The following MGAM variants were observed in gnomAD, a reference collection of about 807,000 sequenced individuals.
MGAM encodes the protein alpha-1,4-glucosidase.
A neutral mutation model predicts 358.8 loss-of-function variants in MGAM; 253 were observed. The ratio of observed to expected loss-of-function variants is 0.71; its 90% CI spans 0.64 to 0.78. The LOEUF (loss-of-function observed/expected upper bound fraction) is 0.78, where lower values mean the gene tolerates loss of function less well. Ranked by LOEUF, MGAM falls within the 30% of genes least tolerant of loss-of-function variation. The probability of loss-of-function intolerance (pLI) is 0.00; values close to 1 mark genes in which losing one functional copy is unlikely to be tolerated. For synonymous variants in MGAM, 1,105 were observed against 1,227.1 expected, an observed-to-expected ratio of 0.90 and a Z score of 2.08; for missense variants, 3,080 against 3,432.6, an observed-to-expected ratio of 0.90 and a Z score of 2.57.
At chr7:142,044,596 ACACG>A (rs1809760759) in intron 21 of MGAM, among the ~76,000 whole-genome samples, 1 of 129,904 alleles carries the variant, frequency 7.7e-6, no homozygotes, top group African/African-American at 2.8e-5. Context: ...TATATTATAT[ACACG>A]TGTAATATAT....
At chr7:142,099,317 C>G (rs4344010) in intron 66 of MGAM, among the ~76,000 whole-genome samples, 141,088 of 152,236 alleles carry the variant, frequency 0.93, 66,186 homozygotes, top group Non-Finnish European at 1. Context: ...AGGATGGAAG[C>G]ATGGTCCCTT....
rs1446572457 is a variant in MGAM, at chr7:142,079,072, T to A, written c.5847+64T>A. ...TTTCAGTTCCATTATCTTTTTCTGG[T>A]TCAGGTCACACAACCCTAAAATAAG... On this transcript the variant is annotated intron_variant, in intron 49 of 70. Coordinates refer to ENST00000475668, the MANE Select transcript of MGAM (RefSeq NM_001365693.1). The A allele has an allele frequency of 3.0e-6, 4 of 1,354,672 alleles. 1 individual carries two copies. The highest frequency in any genetic ancestry group is 4.1e-6 in the Non-Finnish European group (4 of 968,416). 83.9% of individuals were successfully genotyped at this position (1,354,672 alleles called of 1,614,324 possible).
chr7:142,095,920 A>C (rs1280517582), intron 64 of MGAM: 2 of 785,756 alleles, frequency 2.5e-6, no homozygotes, highest in Admixed American at 2.9e-5. Context: ...AGCAAAACTG[A>C]AATGATGCAG....
Position 142,100,871 on chromosome 7 carries a change from G to C in MGAM, c.7944G>C (p.Trp2648Cys), listed in dbSNP as rs1816382969. 4.3e-6 allele frequency: 7 copies of C among 1,612,992 alleles called. No individual in the cohort carries two copies. The highest frequency in any genetic ancestry group is 5.1e-6 in the Non-Finnish European group (6 of 1,179,622). Residue 2648 changes from tryptophan (W) to cysteine (C), a missense_variant, in exon 68 of 71, where the codon TGG (tryptophan) becomes TGC (cysteine). By Grantham distance (215) the Trp-to-Cys change is radical. This residue lies in a region of MGAM where 194 missense variants were observed against 172.8 expected (regional missense o/e 1.12). Transcript: ENST00000475668. ...DEGTAGGWLF[W>C]DDGQSIDTYG... The stretch of plus-strand genomic sequence containing the variant: ...GAACTGCTGGGGGCTGGCTCTTCTG[G>C]GATGATGGGCAAAGCATTGGTGAGT...
At chr7:142,085,487 T>C (rs937233493) in intron 54 of MGAM, among the ~76,000 whole-genome samples, 4 of 146,014 alleles carry the variant, frequency 2.7e-5, no homozygotes, top group African/African-American at 9.7e-5. Context: ...GAACCACTGA[T>C]ACCAGGGGCA....
At chr7:142,030,899 C>T in intron 12 of MGAM, 142 bp downstream of exon 12, 1 of 644,920 alleles carries the variant, frequency 1.6e-6, no homozygotes, top group South Asian at 1.9e-5. Context: ...GATAAATTCT[C>T]CTCTGCCCTT....
At chr7:141,995,800 C>T (rs919833856), upstream of MGAM, 1 of 152,124 alleles carries the variant, frequency 6.6e-6, no homozygotes, top group African/African-American at 2.4e-5. Context: ...CATTTGAAAG[C>T]CATTAACATT....
chr7:142,076,597 A>T (rs1813763401), intron 46 of MGAM, 62 bp from the exon 47 acceptor site: 1 of 1,332,604 alleles, frequency 7.5e-7, no homozygotes, highest in African/African-American at 1.4e-5. Context: ...TATATGAGTG[A>T]CTTGAGAATC....
rs538201085 is a variant in MGAM, at chr7:142,040,723, G to T, written c.2375G>T (p.Gly792Val). The change falls in exon 21 of 71, where the codon GGG becomes GTG. Residue 792 changes from glycine to valine, a missense_variant and splice_region_variant. By Grantham distance (109) the Gly-to-Val change is moderately radical. Around this residue, in one of 5 missense-constraint regions of MGAM, gnomAD observed 1,816 missense variants for 1,840.5 expected, o/e 0.99. Coordinates refer to ENST00000475668, the MANE Select transcript of MGAM (RefSeq NM_001365693.1). ...PDAVWYDYET[G>V]SQVRWRKQKV... The stretch of plus-strand genomic sequence containing the variant: ...GTTTGATTTATCTGCATGCATCAGG[G>T]GAGCCAAGTGAGATGGAGGAAGCAA... The T allele has an allele frequency of 6.2e-7, 1 of 1,612,740 alleles. No homozygotes were observed. The highest frequency in any genetic ancestry group is 1.1e-5 in the South Asian group (1 of 90,926).
At chr7:142,034,086 A>G (rs1023554836) in intron 14 of MGAM, among the ~76,000 whole-genome samples, 176 bp from the exon 15 acceptor site, 1 of 152,212 alleles carries the variant, frequency 6.6e-6, no homozygotes, top group African/African-American at 2.4e-5. Context: ...ATTCATTTAT[A>G]TATCAGAGAA....
chr7:142,004,981 T>C (rs1357747882), intron 1 of MGAM, among the ~76,000 whole-genome samples: 10 of 152,036 alleles, frequency 6.6e-5, no homozygotes, highest in African/African-American at 2.2e-4. Flanking sequence ...ACAGGAACTA[T>C]AAGGGTAGAG....
chr7:142,105,696 G>C, intron 70 of MGAM, 118 bp from the exon 71 acceptor site: 6 of 725,460 alleles, frequency 8.3e-6, no homozygotes, highest in Non-Finnish European at 9.6e-6. Context: ...CTTTTAACTA[G>C]ACAATACAAT....
intron 34 of MGAM, among the ~76,000 whole-genome samples, chr7:142,061,595 C>T (rs1023264794): frequency 2.0e-5 from 3 of 152,124 alleles, no homozygotes; most frequent in Admixed American, 6.6e-5. Flanking sequence ...AACTGGAGCT[C>T]CCCTAGACCA....
At chr7:142,067,731 G>A (rs1317882068) in intron 42 of MGAM, among the ~76,000 whole-genome samples, 1 of 138,360 alleles carries the variant, frequency 7.2e-6, no homozygotes, top group African/African-American at 2.5e-5. Context: ...TCAGATGGGG[G>A]CAGTATTGTA....
chr7:142,030,834 G>A, intron 12 of MGAM, 77 bp downstream of exon 12: 1 of 855,488 alleles, frequency 1.2e-6, no homozygotes. Flanking sequence ...GTGTGTGTGT[G>A]TGTGTGCATG....
At chr7:142,035,802 G>C (rs569581044) in intron 16 of MGAM, among the ~76,000 whole-genome samples, 2 of 152,214 alleles carry the variant, frequency 1.3e-5, no homozygotes, top group East Asian at 1.9e-4. Context: ...TTAGGCTTTA[G>C]AAAAATAATG....
In MGAM at chr7:142,030,373, T is replaced by C. The variant is rs1807365316; in HGVS notation, c.1233T>C (p.His411=). Residue 411 remains histidine, a synonymous_variant, in exon 11 of 71, where the codon CAT becomes CAC. Transcript: ENST00000475668. Reference sequence around the variant, plus strand: ...GTATATTCTTTCAGGATGTTCAGCATGCTGATATTGATTATATGGATGAGA... The same window carrying C: ...GTATATTCTTTCAGGATGTTCAGCACGCTGATATTGATTATATGGATGAGA... ...RAAQLPYDVQ[H]ADIDYMDERR... is the part of the protein sequence containing the mutation. 6.2e-7 allele frequency: 1 copy of C among 1,613,060 alleles called. No homozygotes were observed. The highest frequency in any genetic ancestry group is 1.3e-5 in the African/African-American group (1 of 74,868).
At chr7:141,987,269 C>T (rs1803751868) in intron 2 of MGAM, among the ~76,000 whole-genome samples, 1 of 152,178 alleles carries the variant, frequency 6.6e-6, no homozygotes, top group Admixed American at 6.5e-5. Flanking sequence ...GGCAGTTAAT[C>T]TCTCTGCTTT....
Position 142,036,206 on chromosome 7 carries a change from CT to C in MGAM, c.1998del (p.Glu667ArgfsTer40). The C allele has an allele frequency of 6.2e-7, 1 of 1,612,362 alleles. No homozygotes were observed. The highest frequency in any genetic ancestry group is 8.5e-7 in the Non-Finnish European group (1 of 1,179,276). ...ATATGTGGCTTTGCTTTGGACACCC[CT>C]GAGGAGCTCTGTAGGCGGTGGATGC... ...PDICGFALDT[P>X]EELCRRWMQL... On this transcript the variant is annotated frameshift_variant, in exon 17 of 71. Coordinates refer to ENST00000475668, the MANE Select transcript of MGAM (RefSeq NM_001365693.1). LOFTEE classifies it high-confidence loss of function.
Sources: gnomAD v4.1 joint callset for allele counts (sites outside exome capture counted in the v4.1 genomes callset) on GRCh38, gnomAD v4.1.1 for gene constraint, gnomAD v4.1.1 regional missense constraint, MANE v1.5 for transcripts, NCBI Gene and HGNC (gene_info 2026-07-23, HGNC 2026-07-21) for gene names.